The following KDM5C variants were observed in gnomAD, a reference collection of about 807,000 sequenced individuals.
KDM5C encodes the protein lysine-specific demethylase 5C.
In KDM5C, 16 loss-of-function variants were observed where a neutral mutation model predicts 110.6. The ratio of observed to expected loss-of-function variants is 0.14; its 90% confidence interval spans 0.10 to 0.22. The LOEUF is 0.22. Ranked by LOEUF, KDM5C falls within the 10% of genes least tolerant of loss-of-function variation. KDM5C has a pLI of 1.00. For missense variants in KDM5C, 681 were observed against 1,300.9 expected, an observed-to-expected ratio of 0.52 and a Z score of 7.33; for synonymous variants, 511 against 520.4, an observed-to-expected ratio of 0.98 and a Z score of 0.24.
chrX:53,211,736 A>C, intron 9 of KDM5C, 51 bp downstream of exon 9: 1 of 1,209,383 alleles, frequency 8.3e-7, no homozygotes, highest in Non-Finnish European at 1.1e-6. Flanking sequence ...ACCATCTGGC[A>C]TCAATACCTA....
chrX:53,223,667 G>A (rs1465893642), intron 1 of KDM5C, among the ~76,000 whole-genome samples: 1 of 112,181 alleles, frequency 8.9e-6, no homozygotes, highest in Non-Finnish European at 1.9e-5. Context: ...CCTAGCCCTT[G>A]GGAGACTTCT....
intron 1 of KDM5C, chrX:53,221,928 A>G: frequency 3.5e-6 from 1 of 283,547 alleles, no homozygotes; most frequent in Non-Finnish European, 6.8e-6. Flanking sequence ...CCCCCTCTCC[A>G]ACACCCCTTT....
chrX:53,192,689 G>T lies in KDM5C; in HGVS notation c.*278C>A. 1 of 1,108,698 alleles carries T rather than the reference G, an allele frequency of 9.0e-7. No individual in the cohort carries two copies. Among genetic ancestry groups the T allele is most frequent in the Non-Finnish European group, 1.2e-6 (1 of 823,670 alleles). The allele number at this position is 1,108,698 out of a possible 1,213,427, so 91.4% of individuals were successfully genotyped here. The stretch of plus-strand genomic sequence containing the variant: ...ATGGCCCAGCCCCAGCCACCCCCCT[G>T]CCCACCAGCCCATCCATCTATCTGC... On this transcript the variant is annotated 3_prime_UTR_variant, in exon 26 of 26. Coordinates refer to ENST00000375401, the MANE Select transcript of KDM5C (RefSeq NM_004187.5).
At chrX:53,194,835 T>C in intron 22 of KDM5C, 96 bp downstream of exon 22, 1 of 1,190,455 alleles carries the variant, frequency 8.4e-7, no homozygotes, top group East Asian at 3.0e-5. Context: ...CCAGGAGAAC[T>C]GAGGCTCAGG....
At position 53,225,038 on chromosome X, in the gene KDM5C, T is replaced by C; in HGVS notation, c.-149A>G. ...CCCGCCGAGGGCCTAAGGGGGCGTG[T>C]GGCCGTCGTGCTCTGAGAGTCTCAG... On this transcript the variant is annotated 5_prime_UTR_variant, in exon 1 of 26. Coordinates refer to ENST00000375401, the MANE Select transcript of KDM5C (RefSeq NM_004187.5). 1.5e-6 allele frequency: 1 copy of C among 651,769 alleles called. No homozygotes were observed. Among genetic ancestry groups the C allele is most frequent in the Non-Finnish European group, 2.2e-6 (1 of 445,549 alleles). 53.7% of individuals were successfully genotyped at this position (651,769 alleles called of 1,213,427 possible). A position where few individuals can be genotyped will look rare whatever the true frequency, so the allele number is the denominator to read the frequency against.
chrX:53,188,666 T>C (rs1380446379), downstream of KDM5C, among the ~76,000 whole-genome samples: 2 of 111,605 alleles, frequency 1.8e-5, 1 homozygote, highest in African/African-American at 6.5e-5. Context: ...TGAGCCACTG[T>C]GCCCGGCAGT....
chrX:53,224,610 G>A (rs1312263601), intron 1 of KDM5C, 130 bp downstream of exon 1: 6 of 839,192 alleles, frequency 7.1e-6, no homozygotes, highest in Non-Finnish European at 1.0e-5. Context: ...TCCGATCCGC[G>A]CCGCAACCAC....
At chrX:53,214,413 TCA>T (rs1491523530) in intron 8 of KDM5C, 2 of 340,153 alleles carry the variant, frequency 5.9e-6, no homozygotes, top group African/African-American at 5.1e-5. Flanking sequence ...CTTCTATATC[TCA>T]GAGTTTCTAA....
At chrX:53,197,943 A>T (rs2073013982) in intron 17 of KDM5C, 67 bp from the exon 18 acceptor site, 5 of 822,130 alleles carry the variant, frequency 6.1e-6, no homozygotes, top group Non-Finnish European at 8.9e-6. Flanking sequence ...CTATGCTAAG[A>T]CTGAACACCT....
At chrX:53,190,663 C>G (rs782508757), downstream of KDM5C, among the ~76,000 whole-genome samples, 6 of 111,771 alleles carry the variant, frequency 5.4e-5, no homozygotes, top group African/African-American at 1.6e-4. Flanking sequence ...GGGTTGTCCA[C>G]GGACTCCTCT....
intron 1 of KDM5C, chrX:53,221,565 G>C (rs2073898347): frequency 8.8e-6 from 3 of 341,809 alleles, no homozygotes; most frequent in African/African-American, 5.3e-5. Context: ...GGGTAGCTCA[G>C]GTCCGATTGT....
At chrX:53,197,294 T>C (rs1934936772) in intron 18 of KDM5C, among the ~76,000 whole-genome samples, 1 of 111,736 alleles carries the variant, frequency 8.9e-6, no homozygotes, top group African/African-American at 3.3e-5. Context: ...GATTCTTAAT[T>C]AACTAATAAT....
Position 53,194,187 on chromosome X carries a change from G to T in KDM5C, c.3990C>A (p.Ala1330=). The change falls in exon 23 of 26, where the codon GCC becomes GCA. Residue 1330 remains alanine, a synonymous_variant. Transcript: ENST00000375401. ...CCTCTCTGAGGGGGTCAGAAGCAGGGGCTGCAGGGTAGTTAGGAGGCTCCT... is the reference window on the plus strand; with the variant it reads ...CCTCTCTGAGGGGGTCAGAAGCAGGTGCTGCAGGGTAGTTAGGAGGCTCCT... ...RPEEPPNYPA[A]PASDPLREGS... 1.7e-6 allele frequency: 2 copies of T among 1,209,842 alleles called. No individual in the cohort carries two copies. Among genetic ancestry groups the T allele is most frequent in the Non-Finnish European group, 2.2e-6 (2 of 894,344 alleles).
intron 24 of KDM5C, 61 bp downstream of exon 24, chrX:53,193,712 C>T: frequency 8.5e-7 from 1 of 1,177,513 alleles, no homozygotes; most frequent in South Asian, 1.8e-5. Context: ...GAGCTGAGGA[C>T]TACATGGGTC....
chrX:53,187,637 G>A, downstream of KDM5C, among the ~76,000 whole-genome samples: 1 of 111,569 alleles, frequency 9.0e-6, no homozygotes, highest in Admixed American at 9.5e-5. Flanking sequence ...AGGCACGGTG[G>A]CTCATGCCTG....
At position 53,201,556 on chromosome X, in the gene KDM5C, C is replaced by T. The variant is rs2146863999; in HGVS notation, c.2055G>A (p.Leu685=). 8.3e-7 allele frequency: 1 copy of T among 1,211,380 alleles called. No individual in the cohort carries two copies. The highest frequency in any genetic ancestry group is 1.1e-6 in the Non-Finnish European group (1 of 895,080). ...TCTGGGGTACTCTCCCCACCTTCTC[C>T]AGCAGGGCCTTTCGTAGACGCCGCT... The part of the protein sequence containing the change: ...QEERRLRKAL[L]EKGITEAERE... Residue 685 remains leucine, a synonymous_variant, in exon 14 of 26, where the codon CTG becomes CTA. Coordinates refer to ENST00000375401, the MANE Select transcript of KDM5C (RefSeq NM_004187.5).
intron 12 of KDM5C, among the ~76,000 whole-genome samples, chrX:53,208,319 G>GT (rs1372257644): frequency 2.8e-5 from 3 of 107,172 alleles, no homozygotes; most frequent in African/African-American, 1.0e-4. Context: ...CAAAAAGCAC[G>GT]TATTTTGGAT....
At chrX:53,217,673 A>T (rs1418736173) in intron 4 of KDM5C, 123 bp downstream of exon 4, 1 of 721,908 alleles carries the variant, frequency 1.4e-6, no homozygotes, top group Non-Finnish European at 2.2e-6. Flanking sequence ...AATAAGCATC[A>T]CTAGGAAAGA....
At chrX:53,212,203 A>G (rs782517242) in intron 8 of KDM5C, among the ~76,000 whole-genome samples, 2 of 111,112 alleles carry the variant, frequency 1.8e-5, no homozygotes, top group East Asian at 5.6e-4. Context: ...GAGTCATCTC[A>G]TGCTCTTTTC....
Sources: allele counts gnomAD v4.1 joint callset (sites outside exome capture counted in the v4.1 genomes callset), GRCh38; gene constraint gnomAD v4.1.1; transcripts MANE v1.5; gene names NCBI Gene and HGNC (gene_info 2026-07-23, HGNC 2026-07-21).